POFUT3: variants seen among roughly 807,000 people sequenced by gnomAD.
The protein encoded by POFUT3 is protein O-fucosyltransferase 3.
the POFUT3 span, among the ~76,000 whole-genome samples, chr8:33,433,426 C>T: frequency 6.6e-6 from 1 of 151,820 alleles, no homozygotes. Context: ...TCCTGGCTAA[C>T]ACGGTGAAAC....
the POFUT3 span, among the ~76,000 whole-genome samples, chr8:33,446,179 A>C: frequency 9.1e-4 from 139 of 152,236 alleles, 1 homozygote; most frequent in African/African-American, 3.0e-3. Flanking sequence ...ACTGGTGGCC[A>C]GGTGCGGTAG....
chr8:33,404,717 AAAAAG>A, the POFUT3 span, among the ~76,000 whole-genome samples: 1 of 152,154 alleles, frequency 6.6e-6, no homozygotes, highest in African/African-American at 2.4e-5. Context: ...TGTTAAAAAA[AAAAAG>A]AAAAGAAAAG....
At chr8:33,415,721 A>G in the POFUT3 span, among the ~76,000 whole-genome samples, 1 of 152,198 alleles carries the variant, frequency 6.6e-6, no homozygotes, top group Admixed American at 6.5e-5. Context: ...CCCAGGACCT[A>G]TCCCCATCAG....
chr8:33,352,374 G>A, the POFUT3 span, among the ~76,000 whole-genome samples: 88 of 152,144 alleles, frequency 5.8e-4, 1 homozygote, highest in Non-Finnish European at 1.0e-3. Context: ...TTATTTCCCC[G>A]TGCAATGATG....
the POFUT3 span, among the ~76,000 whole-genome samples, chr8:33,367,030 G>A: frequency 2.0e-5 from 3 of 152,044 alleles, no homozygotes; most frequent in African/African-American, 7.2e-5. Context: ...GATCACCTGA[G>A]GTCAGGAGGT....
chr8:33,436,830 T>C, the POFUT3 span: 2 of 430,822 alleles, frequency 4.6e-6, no homozygotes, highest in South Asian at 5.2e-5. Context: ...ATGTGCATGA[T>C]GCTGAAGTTT....
chr8:33,318,381 G>T, the POFUT3 span, among the ~76,000 whole-genome samples: 2 of 147,962 alleles, frequency 1.4e-5, no homozygotes, highest in Admixed American at 1.4e-4. Context: ...GCACAAAAAG[G>T]GAAAAGAGTG....
the POFUT3 span, among the ~76,000 whole-genome samples, chr8:33,347,294 T>C: frequency 6.6e-6 from 1 of 152,212 alleles, no homozygotes. Flanking sequence ...ATTTATTTTA[T>C]TCCCTTTTAA....
the POFUT3 span, among the ~76,000 whole-genome samples, chr8:33,472,215 A>C: frequency 6.6e-6 from 1 of 152,170 alleles, no homozygotes; most frequent in Non-Finnish European, 1.5e-5. Flanking sequence ...CCACAAACTA[A>C]ATTAACAATC....
At chr8:33,456,507 GCCACCAC>G in the POFUT3 span, among the ~76,000 whole-genome samples, 1 of 151,436 alleles carries the variant, frequency 6.6e-6, no homozygotes, top group African/African-American at 2.4e-5. Context: ...ACAAACGCAG[GCCACCAC>G]GCCCTGCTAA....
the POFUT3 span, chr8:33,371,282 T>C: frequency 6.6e-6 from 1 of 152,226 alleles, no homozygotes; most frequent in Non-Finnish European, 1.5e-5. Context: ...TAAGGAGGTA[T>C]TGGTTTTGGT....
the POFUT3 span, among the ~76,000 whole-genome samples, chr8:33,323,891 T>C: frequency 0.44 from 66,221 of 152,014 alleles, 16,298 homozygotes; most frequent in East Asian, 0.8. Context: ...GCTTTAGTTT[T>C]TCTCTGCTTA....
At chr8:33,310,862 G>A in the POFUT3 span, among the ~76,000 whole-genome samples, 2 of 152,168 alleles carry the variant, frequency 1.3e-5, no homozygotes, top group African/African-American at 4.8e-5. Flanking sequence ...TTGAAACTCA[G>A]CCCAAACCCA....
chr8:33,373,618 G>C, the POFUT3 span, among the ~76,000 whole-genome samples: 5 of 151,900 alleles, frequency 3.3e-5, no homozygotes, highest in Non-Finnish European at 7.4e-5. Context: ...CCTTAAAATG[G>C]CCTACATGTT....
chr8:33,320,134 T>A, the POFUT3 span, among the ~76,000 whole-genome samples: 1 of 151,980 alleles, frequency 6.6e-6, no homozygotes, highest in South Asian at 2.1e-4. Context: ...ATCTTATAAA[T>A]GATTTTATGA....
At chr8:33,413,372 T>C in the POFUT3 span, among the ~76,000 whole-genome samples, 1 of 152,012 alleles carries the variant, frequency 6.6e-6, no homozygotes, top group South Asian at 2.1e-4. Flanking sequence ...TTTCTCTCTC[T>C]CTCTCTCTCC....
At chr8:33,373,805 A>G in the POFUT3 span, among the ~76,000 whole-genome samples, 1 of 152,228 alleles carries the variant, frequency 6.6e-6, no homozygotes, top group African/African-American at 2.4e-5. Context: ...CTTGAAAGGC[A>G]TTAACCTGTA....
the POFUT3 span, among the ~76,000 whole-genome samples, chr8:33,457,391 G>T: frequency 6.6e-6 from 1 of 152,162 alleles, no homozygotes; most frequent in Non-Finnish European, 1.5e-5. Flanking sequence ...AGCTACTTGG[G>T]AGGATGAGGC....
At chr8:33,390,225 CAT>C in the POFUT3 span, among the ~76,000 whole-genome samples, 26 of 151,776 alleles carry the variant, frequency 1.7e-4, no homozygotes, top group Admixed American at 2.6e-4. Context: ...CACACACACA[CAT>C]GAAGCATGTT....
Sources: gnomAD v4.1 joint callset for allele counts (sites outside exome capture counted in the v4.1 genomes callset) on GRCh38, gnomAD v4.1.1 for gene constraint, MANE v1.5 for transcripts, NCBI Gene and HGNC (gene_info 2026-07-23, HGNC 2026-07-21) for gene names.